Variants in CTNNA3 observed in about 807,000 individuals in gnomAD.
CTNNA3 encodes the protein catenin alpha-3.
Under a neutral mutation model 95.7 loss-of-function variants are expected in CTNNA3, and 76 were observed. The ratio of observed to expected loss-of-function variants is 0.79; its 90% CI spans 0.66 to 0.96. The LOEUF (loss-of-function observed/expected upper bound fraction) is 0.96, where lower values mean the gene tolerates loss of function less well. Ranked by LOEUF, CTNNA3 falls within the 40% of genes least tolerant of loss-of-function variation. The pLI, the probability that CTNNA3 is intolerant of heterozygous loss-of-function variation, is 0.00. For synonymous variants in CTNNA3, 431 were observed against 374.4 expected (o/e 1.15, Z -1.74); for missense variants, 1,191 against 1,089.8 (o/e 1.09, Z -1.31).
In CTNNA3 at chr10:67,443,291, A is replaced by G. The variant is rs372331752; in HGVS notation, c.579+78551T>C. 4.9e-3 allele frequency among the ~76,000 whole-genome samples: 730 copies of G among 149,926 alleles called. 20 individuals carry two copies. The East Asian group carries it at 0.074, about 15-fold the overall frequency. ...GTGTCTTTATAGCAGCATGATTTATAGTCCTTTGGGTATATACCCAGTAAT... is the reference window on the plus strand; with the variant it reads ...GTGTCTTTATAGCAGCATGATTTATGGTCCTTTGGGTATATACCCAGTAAT... On this transcript the variant is annotated intron_variant, in intron 5 of 17. Coordinates refer to ENST00000433211, the MANE Select transcript of CTNNA3 (RefSeq NM_013266.4).
At chr10:66,572,006 C>A (rs774207958) in intron 10 of CTNNA3, among the ~76,000 whole-genome samples, 6 of 152,130 alleles carry the variant, frequency 3.9e-5, no homozygotes, top group Non-Finnish European at 8.8e-5. Flanking sequence ...AACCACTATA[C>A]ATATTTGCCT....
intron 7 of CTNNA3, among the ~76,000 whole-genome samples, chr10:66,809,795 A>T: frequency 7.0e-6 from 1 of 143,204 alleles, no homozygotes; most frequent in Non-Finnish European, 1.5e-5. Flanking sequence ...TTTACCTAGA[A>T]TTGCTGATTT....
intron 15 of CTNNA3, among the ~76,000 whole-genome samples, chr10:66,002,030 G>A (rs2078780729): frequency 6.6e-6 from 1 of 152,064 alleles, no homozygotes. Context: ...ATTTGTGGTA[G>A]TATAACTTCC....
chr10:66,588,186 C>G (rs1291876546), intron 10 of CTNNA3, among the ~76,000 whole-genome samples: 1 of 152,022 alleles, frequency 6.6e-6, no homozygotes, highest in East Asian at 1.9e-4. Context: ...TAAGATCTGC[C>G]TCCATGGCCT....
At chr10:66,341,764 T>A (rs1301237384) in intron 12 of CTNNA3, among the ~76,000 whole-genome samples, 2 of 151,850 alleles carry the variant, frequency 1.3e-5, no homozygotes, top group African/African-American at 4.8e-5. Context: ...GAACCTAATT[T>A]GAGAGAAATT....
chr10:67,213,911 C>T (rs1019178027), intron 6 of CTNNA3, among the ~76,000 whole-genome samples: 53 of 151,730 alleles, frequency 3.5e-4, no homozygotes, highest in African/African-American at 1.2e-3. Context: ...TAGATAGTAA[C>T]TGTCATTAGC....
chr10:67,420,208 T>G (rs1845699755), intron 5 of CTNNA3, among the ~76,000 whole-genome samples: 1 of 152,192 alleles, frequency 6.6e-6, no homozygotes, highest in Admixed American at 6.5e-5. Context: ...ATCTGTGTAG[T>G]TTTTTATTTC....
intron 5 of CTNNA3, among the ~76,000 whole-genome samples, chr10:67,246,576 T>C (rs894214525): frequency 3.3e-5 from 5 of 152,118 alleles, no homozygotes; most frequent in Admixed American, 1.3e-4. Flanking sequence ...GCGACCCCCA[T>C]AGTACAAATG....
At chr10:65,952,507 C>T (rs1258925399) in intron 17 of CTNNA3, among the ~76,000 whole-genome samples, 1 of 151,828 alleles carries the variant, frequency 6.6e-6, no homozygotes, top group Non-Finnish European at 1.5e-5. Flanking sequence ...ATACTTCTTC[C>T]CGTCTTTCTT....
At chr10:67,049,217 G>A (rs999204524) in intron 7 of CTNNA3, among the ~76,000 whole-genome samples, 1 of 152,016 alleles carries the variant, frequency 6.6e-6, no homozygotes, top group Non-Finnish European at 1.5e-5. Context: ...GAAACAGGAG[G>A]CAGGGTCAGT....
At chr10:67,661,235 T>C (rs1037304024) in intron 1 of CTNNA3, among the ~76,000 whole-genome samples, 5 of 71,146 alleles carry the variant, frequency 7.0e-5, no homozygotes, top group East Asian at 3.8e-4. Flanking sequence ...GCAATTTTAC[T>C]AAAACAAAAA....
chr10:66,479,546 G>A (rs1209274144), intron 11 of CTNNA3, among the ~76,000 whole-genome samples: 1 of 151,778 alleles, frequency 6.6e-6, no homozygotes, highest in African/African-American at 2.4e-5. Context: ...TGGTCTATTA[G>A]CCCATTTATT....
chr10:67,610,610 G>A (rs143452503), intron 2 of CTNNA3, among the ~76,000 whole-genome samples: 6 of 152,270 alleles, frequency 3.9e-5, no homozygotes, highest in Admixed American at 6.5e-5. Flanking sequence ...TCACCAAGGC[G>A]GAGGATAGGA....
In CTNNA3 at chr10:66,498,048, A is replaced by AT. The variant is rs371499411; in HGVS notation, c.1531+22568dup. Reference sequence around the variant, plus strand: ...TTTCCTGTAATAAAATGTCACTGAGATTTTTTTTAAGTAGAAATGTGATAT... The same window carrying AT: ...TTTCCTGTAATAAAATGTCACTGAGATTTTTTTTTAAGTAGAAATGTGATAT... On this transcript the variant is annotated intron_variant, in intron 11 of 17. Transcript: ENST00000433211. 3.2e-3 allele frequency among the ~76,000 whole-genome samples: 485 copies of AT among 152,044 alleles called. 2 individuals carry two copies. The highest frequency in any genetic ancestry group is 8.3e-3 in the South Asian group (40 of 4,818).
At chr10:65,996,604 A>G (rs1299104452) in intron 15 of CTNNA3, among the ~76,000 whole-genome samples, 1 of 152,082 alleles carries the variant, frequency 6.6e-6, no homozygotes, top group Non-Finnish European at 1.5e-5. Flanking sequence ...TAAGCTACCT[A>G]TCTGGAGCGA....
chr10:67,483,719 T>C (rs1270997541), intron 5 of CTNNA3, among the ~76,000 whole-genome samples: 2 of 148,750 alleles, frequency 1.3e-5, no homozygotes, highest in African/African-American at 5.0e-5. Context: ...GTAACTAACC[T>C]GCACATTGTG....
intron 7 of CTNNA3, among the ~76,000 whole-genome samples, chr10:66,860,471 TAACA>T (rs2132409690): frequency 6.6e-6 from 1 of 152,288 alleles, no homozygotes; most frequent in South Asian, 2.1e-4. Flanking sequence ...TTCAAAAATA[TAACA>T]AACAGATGGC....
chr10:66,926,693 G>A (rs1284925727), intron 7 of CTNNA3: 1 of 1,298,050 alleles, frequency 7.7e-7, no homozygotes, highest in Non-Finnish European at 1.1e-6. Flanking sequence ...ACCTTGCTCT[G>A]CTCTAAGACT....
chr10:66,384,353 C>T (rs1203842111), intron 11 of CTNNA3, among the ~76,000 whole-genome samples: 8 of 152,054 alleles, frequency 5.3e-5, no homozygotes, highest in African/African-American at 1.9e-4. Context: ...ATAAAGAAGG[C>T]CATTACATAA....
Sources: gnomAD v4.1 joint callset for allele counts (sites outside exome capture counted in the v4.1 genomes callset) on GRCh38, gnomAD v4.1.1 for gene constraint, MANE v1.5 for transcripts, NCBI Gene and HGNC (gene_info 2026-07-23, HGNC 2026-07-21) for gene names.